KLF16: variants seen among roughly 807,000 people sequenced by gnomAD.
KLF16 encodes Krueppel-like factor 16.
In KLF16, 6 loss-of-function variants were observed where a neutral mutation model predicts 6.1. The ratio of observed to expected loss-of-function variants is 0.98; its 90% confidence interval spans 0.54 to 1.93. KLF16 has a LOEUF of 1.93. Among genes scored for constraint, KLF16 ranks in the 30% most tolerant of loss-of-function variants. KLF16 has a pLI of 0.01. For synonymous variants in KLF16, 211 were observed against 176.5 expected (o/e 1.20, Z -1.55); for missense variants, 355 against 363.8 (o/e 0.98, Z 0.20).
At chr19:1,863,899 G>T (rs999484237), upstream of KLF16, among the ~76,000 whole-genome samples, 23 of 147,998 alleles carry the variant, frequency 1.6e-4, no homozygotes, top group African/African-American at 5.4e-4. Flanking sequence ...CCGCGCTAGG[G>T]TGCAAGGCCG....
At chr19:1,875,158 T>C in the KLF16 span, 1 of 152,256 alleles carries the variant, frequency 6.6e-6, no homozygotes, top group South Asian at 2.1e-4. Context: ...CCCTCGCACT[T>C]CTGCACCAAG....
chr19:1,865,824 G>A (rs1343740356), upstream of KLF16, among the ~76,000 whole-genome samples: 1 of 152,226 alleles, frequency 6.6e-6, no homozygotes, highest in South Asian at 2.1e-4. Flanking sequence ...ACCTCCAGCA[G>A]CGCCCGGCAC....
chr19:1,862,247 C>T (rs1005667657), intron 1 of KLF16, among the ~76,000 whole-genome samples: 2 of 152,214 alleles, frequency 1.3e-5, no homozygotes, highest in South Asian at 4.1e-4. Flanking sequence ...CAGCCAGGCC[C>T]ACCAGGCTCC....
In KLF16 at chr19:1,863,021, G is replaced by C; in HGVS notation, c.457+20C>G. On this transcript the variant is annotated intron_variant, in intron 1 of 1. Coordinates refer to ENST00000250916, the MANE Select transcript of KLF16 (RefSeq NM_031918.4). ...TCAGGCGGCCGCCCCCGCAAGGGCC[G>C]GGATCGCGGCTGCACTCACCTGTGT... The C allele has an allele frequency of 7.7e-7, 1 of 1,296,464 alleles. No individual in the cohort carries two copies. The highest frequency in any genetic ancestry group is 1.0e-6 in the Non-Finnish European group (1 of 999,764). 80.3% of individuals were successfully genotyped at this position (1,296,464 alleles called of 1,614,324 possible).
chr19:1,854,392 G>A lies in KLF16; in HGVS notation c.*67C>T, dbSNP rs2011902481. On this transcript the variant is annotated 3_prime_UTR_variant, in exon 2 of 2. Coordinates refer to ENST00000250916, the MANE Select transcript of KLF16 (RefSeq NM_031918.4). Reference sequence around the variant, plus strand: ...CGGCTGGAAGGGGCCCAGGCTCCCCGTGGGTCCTCACTACACCCCTGGATG... The same window carrying A: ...CGGCTGGAAGGGGCCCAGGCTCCCCATGGGTCCTCACTACACCCCTGGATG... 27 of 1,363,270 alleles carry A rather than the reference G, an allele frequency of 2.0e-5. No homozygotes were observed. Among genetic ancestry groups the A allele is most frequent in the Non-Finnish European group, 2.4e-5 (26 of 1,065,846 alleles). The allele number at this position is 1,363,270 out of a possible 1,614,324, so 84.4% of individuals were successfully genotyped here.
At chr19:1,872,421 G>A in the KLF16 span, among the ~76,000 whole-genome samples, 1 of 152,150 alleles carries the variant, frequency 6.6e-6, no homozygotes, top group Non-Finnish European at 1.5e-5. Flanking sequence ...GTGAGCCACC[G>A]CGCCCAGCCT....
the KLF16 span, among the ~76,000 whole-genome samples, chr19:1,869,120 G>C: frequency 6.6e-6 from 1 of 152,162 alleles, no homozygotes; most frequent in Non-Finnish European, 1.5e-5. Flanking sequence ...AAGACTTTGG[G>C]GGAAAACAGG....
chr19:1,854,790 G>A (rs974238972), intron 1 of KLF16, 30 bp from the exon 2 acceptor site: 1 of 1,594,538 alleles, frequency 6.3e-7, no homozygotes, highest in African/African-American at 1.3e-5. Flanking sequence ...CAGACAGCGG[G>A]TCAGCGGGGG....
Position 1,854,379 on chromosome 19 carries a change from G to A in KLF16, c.*80C>T, listed in dbSNP as rs1298722036. On this transcript the variant is annotated 3_prime_UTR_variant, in exon 2 of 2. Transcript: ENST00000250916. ...CAGGGTTTGCCCACGGCTGGAAGGG[G>A]CCCAGGCTCCCCGTGGGTCCTCACT... 5.2e-6 allele frequency: 7 copies of A among 1,358,128 alleles called. No homozygotes were observed. Among genetic ancestry groups the A allele is most frequent in the Non-Finnish European group, 6.6e-6 (7 of 1,062,526 alleles). 84.1% of individuals were successfully genotyped at this position (1,358,128 alleles called of 1,614,324 possible).
chr19:1,856,746 G>A (rs889653976), intron 1 of KLF16, among the ~76,000 whole-genome samples: 2 of 152,222 alleles, frequency 1.3e-5, no homozygotes, highest in Admixed American at 6.5e-5. Context: ...AGCAGACCAC[G>A]GGATTGGGGC....
Position 1,854,385 on chromosome 19 carries a change from G to A in KLF16, c.*74C>T. ...TTGCCCACGGCTGGAAGGGGCCCAG[G>A]CTCCCCGTGGGTCCTCACTACACCC... is the stretch of plus-strand genomic sequence containing the variant. On this transcript the variant is annotated 3_prime_UTR_variant, in exon 2 of 2. Coordinates refer to ENST00000250916, the MANE Select transcript of KLF16 (RefSeq NM_031918.4). The A allele has an allele frequency of 7.4e-7, 1 of 1,359,478 alleles. No individual in the cohort carries two copies. Among genetic ancestry groups the A allele is most frequent in the Non-Finnish European group, 9.4e-7 (1 of 1,063,442 alleles). The allele number at this position is 1,359,478 out of a possible 1,614,324, so 84.2% of individuals were successfully genotyped here.
the KLF16 span, among the ~76,000 whole-genome samples, chr19:1,873,902 C>A: frequency 3.9e-5 from 6 of 152,238 alleles, no homozygotes; most frequent in Admixed American, 3.9e-4. Context: ...ACGCTGAAGG[C>A]GTCTGGGAGC....
At chr19:1,860,130 G>GGT (rs2012034721) in intron 1 of KLF16, 1 of 134,902 alleles carries the variant, frequency 7.4e-6, no homozygotes, top group Non-Finnish European at 1.6e-5. Flanking sequence ...CGGGGGGGGG[G>GGT]CCCTCCGGGG....
At chr19:1,872,007 T>A in the KLF16 span, among the ~76,000 whole-genome samples, 1 of 152,090 alleles carries the variant, frequency 6.6e-6, no homozygotes, top group Non-Finnish European at 1.5e-5. Context: ...GCCGGGGATT[T>A]TATCTGCACA....
At chr19:1,856,587 G>A (rs2011954035) in intron 1 of KLF16, among the ~76,000 whole-genome samples, 1 of 152,160 alleles carries the variant, frequency 6.6e-6, no homozygotes, top group African/African-American at 2.4e-5. Flanking sequence ...GGGGTCGCGG[G>A]TCCGCCCCAG....
At chr19:1,863,935 C>T (rs1291489019), upstream of KLF16, among the ~76,000 whole-genome samples, 5 of 142,672 alleles carry the variant, frequency 3.5e-5, no homozygotes, top group East Asian at 8.6e-4. Flanking sequence ...CCCGGCGCGC[C>T]CCACTCCAGC....
rs771004915 is a variant in KLF16, at chr19:1,854,561, G to T, written c.657C>A (p.Arg219=). The T allele has an allele frequency of 1.3e-6, 2 of 1,573,282 alleles. No homozygotes were observed. Among genetic ancestry groups the T allele is most frequent in the African/African-American group, 2.7e-5 (2 of 73,708 alleles). The part of the protein sequence containing the change: ...HPGFHPDLLR[R]PGARSTSPSD... ...TGGGGGAGGTACTGCGGGCACCAGG[G>T]CGCCGGAGCAGGTCCGGGTGGAAGC... Residue 219 remains arginine, a synonymous_variant, in exon 2 of 2, where the codon CGC becomes CGA. Coordinates refer to ENST00000250916, the MANE Select transcript of KLF16 (RefSeq NM_031918.4).
At chr19:1,870,257 A>G in the KLF16 span, among the ~76,000 whole-genome samples, 5 of 152,102 alleles carry the variant, frequency 3.3e-5, no homozygotes, top group Non-Finnish European at 5.9e-5. Flanking sequence ...CAAATATGAA[A>G]AGTGGATGTG....
upstream of KLF16, among the ~76,000 whole-genome samples, chr19:1,867,350 GC>G (rs2012203821): frequency 6.6e-6 from 1 of 152,212 alleles, no homozygotes; most frequent in Non-Finnish European, 1.5e-5. Flanking sequence ...TGGGAGGACT[GC>G]TTGAGCCCAG....
Sources: allele counts gnomAD v4.1 joint callset (sites outside exome capture counted in the v4.1 genomes callset), GRCh38; gene constraint gnomAD v4.1.1; transcripts MANE v1.5; gene names NCBI Gene and HGNC (gene_info 2026-07-23, HGNC 2026-07-21).